KCNH5: variants seen among roughly 807,000 people sequenced by gnomAD.
KCNH5 encodes potassium voltage-gated channel subfamily H member 5, also known as voltage-gated delayed rectifier potassium channel KCNH5.
A neutral mutation model predicts 96.1 loss-of-function variants in KCNH5; 46 were observed. That is an observed-to-expected ratio of 0.48 (90% confidence interval 0.38 to 0.61). The LOEUF (loss-of-function observed/expected upper bound fraction) is 0.61. Among genes scored for constraint, KCNH5 ranks in the 20% least tolerant of loss-of-function variants. The pLI is 0.00. For missense variants in KCNH5, 907 were observed against 1,225.8 expected, an observed-to-expected ratio of 0.74 and a Z score of 3.88; for synonymous variants, 439 against 449.8, an observed-to-expected ratio of 0.98 and a Z score of 0.30.
In KCNH5 at chr14:62,802,325, G is replaced by C. The variant is rs1423682126; in HGVS notation, c.1822+4C>G. ...TGCTACTACATTAGGAAAGTTCACA[G>C]TACCTAAAATAGCCACCACCTCATC... On this transcript the variant is annotated splice_donor_region_variant and intron_variant, in intron 9 of 10. Coordinates refer to ENST00000322893, the MANE Select transcript of KCNH5 (RefSeq NM_139318.5). 1.2e-6 allele frequency: 2 copies of C among 1,613,004 alleles called. No homozygotes were observed. Among genetic ancestry groups the C allele is most frequent in the African/African-American group, 1.3e-5 (1 of 74,900 alleles).
At position 62,718,111 on chromosome 14, in the gene KCNH5, C is replaced by G. The variant is rs113777962; in HGVS notation, c.2020-9656G>C. Among the ~76,000 whole-genome samples the G allele has an allele frequency of 2.4e-3, 361 of 152,028 alleles. 2 individuals carry two copies. Among genetic ancestry groups the G allele is most frequent in the African/African-American group, 8.0e-3 (332 of 41,484 alleles). On this transcript the variant is annotated intron_variant, in intron 10 of 10. Coordinates refer to ENST00000322893, the MANE Select transcript of KCNH5 (RefSeq NM_139318.5). The stretch of plus-strand genomic sequence containing the variant: ...ACAGGAACAACAGACACTGGGGACT[C>G]TAAAAGAGAGAAGGGAGGCAAGGGG...
At chr14:62,927,994 G>A (rs1376475396) in intron 7 of KCNH5, among the ~76,000 whole-genome samples, 2 of 152,098 alleles carry the variant, frequency 1.3e-5, no homozygotes, top group African/African-American at 2.4e-5. Context: ...TCCCGACACT[G>A]TGAAGAACGT....
At chr14:62,932,363 G>T (rs770030023) in intron 7 of KCNH5, among the ~76,000 whole-genome samples, 3 of 151,396 alleles carry the variant, frequency 2.0e-5, no homozygotes, top group African/African-American at 7.3e-5. Context: ...GGAAATTAAC[G>T]TAGGCAAGCA....
intron 8 of KCNH5, among the ~76,000 whole-genome samples, chr14:62,804,775 T>G (rs190388153): frequency 6.6e-6 from 1 of 152,184 alleles, no homozygotes; most frequent in African/African-American, 2.4e-5. Context: ...AGAAATTAAA[T>G]GAAAGGGCAT....
intron 7 of KCNH5, among the ~76,000 whole-genome samples, chr14:62,857,930 G>T (rs1018306101): frequency 6.6e-6 from 1 of 151,830 alleles, no homozygotes; most frequent in Non-Finnish European, 1.5e-5. Flanking sequence ...TTCAAATAAA[G>T]ACAATAATAA....
chr14:62,723,005 A>G (rs1364391537), intron 10 of KCNH5, among the ~76,000 whole-genome samples: 2 of 152,072 alleles, frequency 1.3e-5, no homozygotes, highest in Non-Finnish European at 2.9e-5. Flanking sequence ...TACCCTACTG[A>G]TCTCATTTGA....
intron 10 of KCNH5, among the ~76,000 whole-genome samples, chr14:62,773,902 A>G (rs994936434): frequency 6.6e-6 from 1 of 152,158 alleles, no homozygotes; most frequent in Admixed American, 6.6e-5. Flanking sequence ...TTATGGAAAA[A>G]AAGGTTACAA....
At chr14:62,803,881 A>G (rs1249741161) in intron 8 of KCNH5, among the ~76,000 whole-genome samples, 1 of 152,182 alleles carries the variant, frequency 6.6e-6, no homozygotes, top group African/African-American at 2.4e-5. Context: ...ATCGGATTTC[A>G]ATCCCTCAAA....
Position 62,703,070 on chromosome 14 carries a change from T to C in KCNH5, c.*4438A>G, listed in dbSNP as rs938953624. The C allele has an allele frequency of 6.6e-5, 10 of 151,956 alleles. No homozygotes were observed. Among genetic ancestry groups the C allele is most frequent in the African/African-American group, 2.2e-4 (9 of 41,428 alleles). 9.4% of individuals were successfully genotyped at this position (151,956 alleles called of 1,614,324 possible). On this transcript the variant is annotated 3_prime_UTR_variant, in exon 11 of 11. Coordinates refer to ENST00000322893, the MANE Select transcript of KCNH5 (RefSeq NM_139318.5). ...AAAATTGAGAATTTCTGCCAAGCAG[T>C]ATGATTAAGTAGAAATAAGAAAAAT...
At chr14:62,921,256 C>A (rs1889376104) in intron 7 of KCNH5, among the ~76,000 whole-genome samples, 1 of 152,066 alleles carries the variant, frequency 6.6e-6, no homozygotes. Flanking sequence ...CTATCAAAAA[C>A]TTACCCACTG....
intron 8 of KCNH5, among the ~76,000 whole-genome samples, chr14:62,835,293 A>G (rs931511009): frequency 1.3e-5 from 2 of 151,958 alleles, no homozygotes; most frequent in Admixed American, 6.6e-5. Flanking sequence ...ATTTTATGAG[A>G]AGCCTATAAT....
intron 8 of KCNH5, among the ~76,000 whole-genome samples, chr14:62,829,046 C>T (rs189590662): frequency 2.6e-5 from 4 of 152,258 alleles, no homozygotes; most frequent in African/African-American, 9.6e-5. Flanking sequence ...GTAGGGCAGC[C>T]ATTAAACCTT....
intron 10 of KCNH5, among the ~76,000 whole-genome samples, chr14:62,726,175 A>G (rs1884920897): frequency 1.3e-5 from 2 of 152,244 alleles, no homozygotes; most frequent in Non-Finnish European, 2.9e-5. Flanking sequence ...TTGTAATGTG[A>G]TACGTAAAAA....
chr14:62,773,874 T>C (rs1280482871), intron 10 of KCNH5, among the ~76,000 whole-genome samples: 1 of 152,216 alleles, frequency 6.6e-6, no homozygotes, highest in Non-Finnish European at 1.5e-5. Context: ...ACATACTGTC[T>C]GTAGGTTTCA....
At chr14:63,009,353 C>A (rs976344865) in intron 2 of KCNH5, among the ~76,000 whole-genome samples, 1 of 152,064 alleles carries the variant, frequency 6.6e-6, no homozygotes, top group African/African-American at 2.4e-5. Flanking sequence ...TTTAAATAAA[C>A]CATAAAAATT....
At chr14:62,833,369 T>C (rs1887397898) in intron 8 of KCNH5, among the ~76,000 whole-genome samples, 8 of 152,038 alleles carry the variant, frequency 5.3e-5, no homozygotes, top group Admixed American at 5.2e-4. Context: ...ATATCCAGCT[T>C]TCCCAATACC....
At chr14:62,761,147 G>C (rs1490614528) in intron 10 of KCNH5, among the ~76,000 whole-genome samples, 1 of 152,054 alleles carries the variant, frequency 6.6e-6, no homozygotes, top group Non-Finnish European at 1.5e-5. Flanking sequence ...CTGAGGTCAG[G>C]AGTTCAAGAC....
chr14:62,714,141 T>C (rs1479617687), intron 10 of KCNH5, among the ~76,000 whole-genome samples: 1 of 121,648 alleles, frequency 8.2e-6, no homozygotes, highest in Non-Finnish European at 1.8e-5. Flanking sequence ...AAAAAAAAAA[T>C]AGATATGCAT....
At chr14:62,779,232 T>C (rs1426812317) in intron 10 of KCNH5, among the ~76,000 whole-genome samples, 1 of 152,232 alleles carries the variant, frequency 6.6e-6, no homozygotes, top group Non-Finnish European at 1.5e-5. Context: ...TATCCATATT[T>C]GTAGGATGTG....
Sources: gnomAD v4.1 joint callset for allele counts (sites outside exome capture counted in the v4.1 genomes callset) on GRCh38, gnomAD v4.1.1 for gene constraint, MANE v1.5 for transcripts, NCBI Gene and HGNC (gene_info 2026-07-23, HGNC 2026-07-21) for gene names.